The following GPR39 variants were observed in gnomAD, a reference collection of about 807,000 sequenced individuals.
GPR39 encodes the protein zinc sensing receptor.
Under a neutral mutation model 18.4 loss-of-function variants are expected in GPR39, and 23 were observed. The observed-to-expected ratio is 1.25, with a 90% CI of 0.90 to 1.77. The LOEUF (loss-of-function observed/expected upper bound fraction) is 1.77. GPR39 is among the 40% of genes most tolerant of loss of function. The probability of loss-of-function intolerance (pLI) is 0.00; values close to 1 mark genes in which losing one functional copy is unlikely to be tolerated. For synonymous variants in GPR39, 280 were observed against 257.9 expected, an observed-to-expected ratio of 1.09 and a Z score of -0.82; for missense variants, 647 against 602.4, an observed-to-expected ratio of 1.07 and a Z score of -0.78.
chr2:132,622,749 G>A (rs766200905), intron 1 of GPR39, among the ~76,000 whole-genome samples: 7 of 152,188 alleles, frequency 4.6e-5, no homozygotes, highest in Non-Finnish European at 1.0e-4. Flanking sequence ...AAATAAGGGG[G>A]TCTGCCACCC....
intron 1 of GPR39, among the ~76,000 whole-genome samples, chr2:132,560,069 A>G (rs1208699010): frequency 6.6e-6 from 1 of 152,062 alleles, no homozygotes; most frequent in African/African-American, 2.4e-5. Context: ...CCAGCCTCCA[A>G]TGGGCTCTGG....
At chr2:132,525,454 C>T (rs1184414139) in intron 1 of GPR39, among the ~76,000 whole-genome samples, 2 of 152,196 alleles carry the variant, frequency 1.3e-5, no homozygotes, top group South Asian at 2.1e-4. Context: ...CCCTGACTTT[C>T]GTCATCATTT....
intron 1 of GPR39, among the ~76,000 whole-genome samples, chr2:132,463,118 A>G (rs1229375079): frequency 6.6e-6 from 1 of 152,238 alleles, no homozygotes; most frequent in East Asian, 1.9e-4. Context: ...CCATCAGACA[A>G]TGAAACTGAC....
intron 1 of GPR39, among the ~76,000 whole-genome samples, chr2:132,484,077 C>T (rs1299128244): frequency 2.0e-5 from 3 of 152,110 alleles, no homozygotes; most frequent in Non-Finnish European, 2.9e-5. Flanking sequence ...TGTTAATGAC[C>T]CATCTTCAGT....
chr2:132,532,366 CA>C (rs1342597793), intron 1 of GPR39, among the ~76,000 whole-genome samples: 28 of 149,564 alleles, frequency 1.9e-4, no homozygotes, highest in East Asian at 7.9e-4. Context: ...CTTACCAACC[CA>C]AAAAAAGTCC....
At chr2:132,543,917 C>A (rs1056213216) in intron 1 of GPR39, among the ~76,000 whole-genome samples, 5 of 152,158 alleles carry the variant, frequency 3.3e-5, no homozygotes, top group African/African-American at 1.2e-4. Context: ...GGGTACATTT[C>A]AGGAAAGCAG....
At chr2:132,542,955 T>A (rs1285051045) in intron 1 of GPR39, among the ~76,000 whole-genome samples, 1 of 152,170 alleles carries the variant, frequency 6.6e-6, no homozygotes, top group African/African-American at 2.4e-5. Context: ...CTTACAAAGA[T>A]GCTGCTTGCC....
intron 1 of GPR39, among the ~76,000 whole-genome samples, chr2:132,542,123 A>C (rs193177106): frequency 6.6e-6 from 1 of 152,274 alleles, no homozygotes; most frequent in African/African-American, 2.4e-5. Flanking sequence ...GTTAAGTTTC[A>C]ATATATGAAT....
At chr2:132,605,522 C>G (rs917103351) in intron 1 of GPR39, among the ~76,000 whole-genome samples, 7 of 152,194 alleles carry the variant, frequency 4.6e-5, no homozygotes, top group African/African-American at 1.7e-4. Flanking sequence ...CTCACTTTCT[C>G]TCTGTTCCTT....
At position 132,463,651 on chromosome 2, in the gene GPR39, G is replaced by A. The variant is rs372667963; in HGVS notation, c.856+45753G>A. Among the ~76,000 whole-genome samples the A allele has an allele frequency of 1.6e-4, 24 of 152,272 alleles. No individual in the cohort carries two copies. The South Asian group carries it at 5.0e-3, about 32-fold the overall frequency. On this transcript the variant is annotated intron_variant, in intron 1 of 1. Transcript: ENST00000329321. Reference sequence around the variant, plus strand: ...GTTTATAAAATAAGAAGCTTTACAGGAGTGCAGAGAGAGGTTCAAGGAAAA... The same window carrying A: ...GTTTATAAAATAAGAAGCTTTACAGAAGTGCAGAGAGAGGTTCAAGGAAAA...
At chr2:132,452,847 A>G (rs9750215) in intron 1 of GPR39, among the ~76,000 whole-genome samples, 72,627 of 146,170 alleles carry the variant, frequency 0.5, 19,776 homozygotes, top group Non-Finnish European at 0.63. Flanking sequence ...CACGCTGTAT[A>G]TATGCCACAT....
intron 1 of GPR39, among the ~76,000 whole-genome samples, chr2:132,631,154 C>T (rs1164026534): frequency 2.0e-5 from 3 of 152,164 alleles, no homozygotes; most frequent in African/African-American, 4.8e-5. Context: ...TGCCATTTGG[C>T]GATTATCAAG....
intron 1 of GPR39, among the ~76,000 whole-genome samples, chr2:132,610,431 A>G (rs1222169452): frequency 6.6e-6 from 1 of 152,208 alleles, no homozygotes; most frequent in Non-Finnish European, 1.5e-5. Flanking sequence ...TGTAACATCC[A>G]AAGTGAAATG....
At chr2:132,601,139 C>T (rs1681036059) in intron 1 of GPR39, among the ~76,000 whole-genome samples, 1 of 152,096 alleles carries the variant, frequency 6.6e-6, no homozygotes, top group Non-Finnish European at 1.5e-5. Context: ...CAGGATTTAC[C>T]CTGATACCAA....
intron 1 of GPR39, among the ~76,000 whole-genome samples, chr2:132,476,166 C>A (rs192246786): frequency 1.2e-4 from 18 of 152,186 alleles, no homozygotes; most frequent in Admixed American, 7.2e-4. Context: ...AGTCCTTTAA[C>A]TCGGGCCTAG....
intron 1 of GPR39, among the ~76,000 whole-genome samples, chr2:132,425,105 G>A (rs558749444): frequency 4.0e-4 from 61 of 152,232 alleles, no homozygotes; most frequent in Non-Finnish European, 6.9e-4. Flanking sequence ...CTCCAGCTAC[G>A]ACCAACTCAT....
In GPR39 at chr2:132,595,244, C is replaced by T. The variant is rs72983692; in HGVS notation, c.857-49857C>T. On this transcript the variant is annotated intron_variant, in intron 1 of 1. Coordinates refer to ENST00000329321, the MANE Select transcript of GPR39 (RefSeq NM_001508.3). Reference sequence around the variant, plus strand: ...TGAACTCCTGACCTCATGATCTGCCCACCTGCCTCGGCCTCCCAAACCACT... The same window carrying T: ...TGAACTCCTGACCTCATGATCTGCCTACCTGCCTCGGCCTCCCAAACCACT... Among the ~76,000 whole-genome samples the T allele has an allele frequency of 6.4e-4, 98 of 152,222 alleles. 1 individual carries two copies. The highest frequency in any genetic ancestry group is 2.1e-3 in the African/African-American group (88 of 41,542).
intron 1 of GPR39, among the ~76,000 whole-genome samples, chr2:132,524,238 TG>T (rs1679471609): frequency 6.6e-6 from 1 of 152,230 alleles, no homozygotes; most frequent in East Asian, 1.9e-4. Flanking sequence ...TGAGTTTCCC[TG>T]GTAATTATTC....
At chr2:132,506,846 C>T (rs996533519) in intron 1 of GPR39, among the ~76,000 whole-genome samples, 1 of 148,606 alleles carries the variant, frequency 6.7e-6, no homozygotes, top group Non-Finnish European at 1.5e-5. Flanking sequence ...TTTGCCCAGA[C>T]CAATGTCCTA....
Sources: allele counts gnomAD v4.1 joint callset (sites outside exome capture counted in the v4.1 genomes callset), GRCh38; gene constraint gnomAD v4.1.1; transcripts MANE v1.5; gene names NCBI Gene and HGNC (gene_info 2026-07-23, HGNC 2026-07-21).